Variants in COL19A1 observed in about 807,000 individuals in gnomAD.
COL19A1 encodes the protein collagen type XIX alpha 1 chain.
A neutral mutation model predicts 190.2 loss-of-function variants in COL19A1; 159 were observed. That is an observed-to-expected ratio of 0.84 (90% CI 0.73 to 0.95). The LOEUF (loss-of-function observed/expected upper bound fraction) is 0.95. COL19A1 is among the 40% of genes least tolerant of loss of function. The pLI, the probability that COL19A1 is intolerant of heterozygous loss-of-function variation, is 0.00. For synonymous variants in COL19A1, 509 were observed against 458.9 expected (o/e 1.11, Z -1.39); for missense variants, 1,418 against 1,431.9 (o/e 0.99, Z 0.16).
intron 12 of COL19A1, among the ~76,000 whole-genome samples, chr6:70,033,715 A>G (rs1052206990): frequency 3.3e-5 from 5 of 152,190 alleles, no homozygotes; most frequent in Non-Finnish European, 7.4e-5. Context: ...GAATTAGAGA[A>G]CTAAAATATA....
At chr6:69,923,443 T>G (rs1772132797) in intron 4 of COL19A1, among the ~76,000 whole-genome samples, 1 of 152,190 alleles carries the variant, frequency 6.6e-6, no homozygotes, top group Non-Finnish European at 1.5e-5. Context: ...TGCCTGGTAG[T>G]TCCCTAAAAA....
intron 2 of COL19A1, among the ~76,000 whole-genome samples, chr6:69,891,540 A>G (rs1769350938): frequency 6.6e-6 from 1 of 152,172 alleles, no homozygotes; most frequent in African/African-American, 2.4e-5. Flanking sequence ...TTCCTAGCAG[A>G]TACGTGGGGT....
At chr6:70,180,620 C>T in intron 44 of COL19A1, 97 bp downstream of exon 44, 2 of 1,324,922 alleles carry the variant, frequency 1.5e-6, no homozygotes, top group African/African-American at 1.5e-5. Flanking sequence ...TTTGAATAAG[C>T]AGTTTCCAAG....
chr6:70,005,548 T>C (rs930375817), intron 11 of COL19A1, among the ~76,000 whole-genome samples: 3 of 152,132 alleles, frequency 2.0e-5, no homozygotes, highest in Non-Finnish European at 4.4e-5. Context: ...CTGGGATCTC[T>C]GACTTCAAAG....
intron 11 of COL19A1, among the ~76,000 whole-genome samples, chr6:69,988,391 G>C (rs915288384): frequency 6.6e-6 from 1 of 152,186 alleles, no homozygotes; most frequent in African/African-American, 2.4e-5. Context: ...TATCTGAAAA[G>C]GGTCTTCTGC....
intron 4 of COL19A1, among the ~76,000 whole-genome samples, chr6:69,919,392 A>C (rs1201826348): frequency 6.6e-6 from 1 of 152,210 alleles, no homozygotes; most frequent in African/African-American, 2.4e-5. Context: ...TGTTAATGAA[A>C]GCACTTCATA....
chr6:70,098,303 G>A (rs1361724640), intron 15 of COL19A1: 6 of 408,088 alleles, frequency 1.5e-5, no homozygotes, highest in Non-Finnish European at 2.9e-5. Context: ...CTAGCTTAAG[G>A]AGTAAAATTC....
Position 70,102,275 on chromosome 6 carries a change from T to C in COL19A1, c.1278+53T>C, listed in dbSNP as rs111781180. The C allele has an allele frequency of 1.2e-3, 1,482 of 1,276,222 alleles. 2 individuals carry two copies. The highest frequency in any genetic ancestry group is 1.6e-3 in the Non-Finnish European group (1,379 of 872,102). 79.1% of individuals were successfully genotyped at this position (1,276,222 alleles called of 1,614,324 possible). A position where few individuals can be genotyped will look rare whatever the true frequency, so the allele number is the denominator to read the frequency against. ...TTTAAAGAGTCTGTCTTTATGTCTG[T>C]GTGTTTACCTAAGGATTATTTTACT... On this transcript the variant is annotated intron_variant, in intron 16 of 50. Coordinates refer to ENST00000620364, the MANE Select transcript of COL19A1 (RefSeq NM_001858.6).
intron 2 of COL19A1, among the ~76,000 whole-genome samples, chr6:69,895,060 A>G (rs1400527745): frequency 6.6e-6 from 1 of 152,192 alleles, no homozygotes; most frequent in Non-Finnish European, 1.5e-5. Context: ...TACTGTCCAA[A>G]AGAGTTAAAC....
At position 70,156,179 on chromosome 6, in the gene COL19A1, GAGA is replaced by G. The variant is rs767598086; in HGVS notation, c.2138_2140del (p.Glu713del). 505 of 1,613,294 alleles carry G rather than the reference GAGA, an allele frequency of 3.1e-4. 5 individuals are homozygous for G. The highest frequency in any genetic ancestry group is 2.5e-3 in the Middle Eastern group (15 of 6,038). ...GTCCCAGGGCTGAAAAGCAACAAAG[GAGA>G]AGAAGGAGGTGCTGGTGAGCCTGGA... On this transcript the variant is annotated inframe_deletion, in exon 32 of 51. Transcript: ENST00000620364.
At position 69,966,577 on chromosome 6, in the gene COL19A1, C is replaced by CA. The variant is rs985447896; in HGVS notation, c.1026+3707_1026+3708insA. ...AACAGATGCTTGAAGGCAGCATGCT[C>CA]GTTAAGAGTCATCACCACTCCCTAA... On this transcript the variant is annotated intron_variant, in intron 11 of 50. Coordinates refer to ENST00000620364, the MANE Select transcript of COL19A1 (RefSeq NM_001858.6). Among the ~76,000 whole-genome samples, 3 of 151,972 alleles carry CA rather than the reference C, an allele frequency of 2.0e-5. No individual in the cohort carries two copies. In the East Asian group the frequency reaches 5.8e-4, roughly 29 times the overall value.
rs993474844 is a variant in COL19A1, at chr6:70,210,823, T to G, written c.*3549T>G. 6.6e-6 allele frequency among the ~76,000 whole-genome samples: 1 copy of G among 152,172 alleles called. No individual in the cohort carries two copies. Among genetic ancestry groups the G allele is most frequent in the Non-Finnish European group, 1.5e-5 (1 of 67,982 alleles). The stretch of plus-strand genomic sequence containing the variant: ...GATAATTTTTGTTAATTTGTTTTGT[T>G]AATTTATGTTTTTCCTAATTTTAAG... On this transcript the variant is annotated 3_prime_UTR_variant, in exon 51 of 51. Transcript: ENST00000620364.
chr6:70,170,852 A>G (rs900209604), intron 40 of COL19A1, among the ~76,000 whole-genome samples: 1 of 152,208 alleles, frequency 6.6e-6, no homozygotes. Flanking sequence ...CCCTGGTAAT[A>G]TTTTTGAAGC....
At chr6:69,881,090 C>T (rs1461426003) in intron 2 of COL19A1, among the ~76,000 whole-genome samples, 2 of 152,136 alleles carry the variant, frequency 1.3e-5, no homozygotes, top group Admixed American at 6.5e-5. Context: ...AATCACCTGA[C>T]GTATTTGATT....
chr6:70,134,548 C>T (rs1057425630), intron 18 of COL19A1, among the ~76,000 whole-genome samples: 4 of 152,176 alleles, frequency 2.6e-5, no homozygotes, highest in East Asian at 1.9e-4. Context: ...GTAGACATAG[C>T]GAATATTACA....
intron 16 of COL19A1, among the ~76,000 whole-genome samples, chr6:70,114,126 T>C (rs6940436): frequency 0.51 from 77,325 of 151,878 alleles, 21,073 homozygotes; most frequent in African/African-American, 0.71. Flanking sequence ...GCTAGCATTG[T>C]GGGTGTTAGC....
At chr6:70,020,928 T>A (rs1409943453) in intron 11 of COL19A1, among the ~76,000 whole-genome samples, 1 of 152,176 alleles carries the variant, frequency 6.6e-6, no homozygotes, top group Non-Finnish European at 1.5e-5. Context: ...AATAGTAATA[T>A]TTTCCAGCCT....
At chr6:70,079,757 A>G (rs1465749071) in intron 15 of COL19A1, among the ~76,000 whole-genome samples, 1 of 152,202 alleles carries the variant, frequency 6.6e-6, no homozygotes, top group Non-Finnish European at 1.5e-5. Flanking sequence ...ATATTGAGAA[A>G]GTCAGGGGAT....
At chr6:70,117,602 G>C (rs1784651115) in intron 16 of COL19A1, among the ~76,000 whole-genome samples, 1 of 152,124 alleles carries the variant, frequency 6.6e-6, no homozygotes, top group Non-Finnish European at 1.5e-5. Flanking sequence ...AACGACATCA[G>C]GATCTCTATC....
Sources: allele counts gnomAD v4.1 joint callset (sites outside exome capture counted in the v4.1 genomes callset), GRCh38; gene constraint gnomAD v4.1.1; transcripts MANE v1.5; gene names NCBI Gene and HGNC (gene_info 2026-07-23, HGNC 2026-07-21).